The following OPHN1 variants were observed in gnomAD, a reference collection of about 807,000 sequenced individuals.
The protein encoded by OPHN1 is oligophrenin 1.
Under a neutral mutation model 60.7 loss-of-function variants are expected in OPHN1, and 11 were observed. That is an observed-to-expected ratio of 0.18 (90% CI 0.11 to 0.30). The LOEUF is 0.30. OPHN1 is among the 10% of genes least tolerant of loss of function. The probability of loss-of-function intolerance (pLI) is 1.00; values close to 1 mark genes in which losing one functional copy is unlikely to be tolerated. For missense variants in OPHN1, 449 were observed against 611.0 expected, an observed-to-expected ratio of 0.73 and a Z score of 2.80; for synonymous variants, 226 against 222.6, an observed-to-expected ratio of 1.02 and a Z score of -0.14.
intron 20 of OPHN1, among the ~76,000 whole-genome samples, chrX:68,065,344 C>A (rs891796246): frequency 9.0e-6 from 1 of 110,634 alleles, no homozygotes; most frequent in Non-Finnish European, 1.9e-5. Flanking sequence ...GATGATATTG[C>A]GGTTTTGCTT....
chrX:68,269,416 C>G (rs1262921059), intron 5 of OPHN1, among the ~76,000 whole-genome samples: 1 of 110,952 alleles, frequency 9.0e-6, no homozygotes, highest in Non-Finnish European at 1.9e-5. Flanking sequence ...CAGAACAGAG[C>G]CCTCAGAAAT....
intron 15 of OPHN1, among the ~76,000 whole-genome samples, chrX:68,148,907 T>C (rs184499728): frequency 3.8e-4 from 42 of 111,465 alleles, no homozygotes; most frequent in African/African-American, 1.3e-3. Flanking sequence ...AAAATATTCA[T>C]CTCTATAGCA....
intron 15 of OPHN1, among the ~76,000 whole-genome samples, chrX:68,188,637 A>G (rs2077473876): frequency 8.9e-6 from 1 of 112,130 alleles, no homozygotes; most frequent in Non-Finnish European, 1.9e-5. Context: ...TTTAAAGATT[A>G]ACATATAGAG....
At chrX:68,260,080 G>T (rs1007559165) in intron 5 of OPHN1, among the ~76,000 whole-genome samples, 1 of 110,579 alleles carries the variant, frequency 9.0e-6, no homozygotes, top group Non-Finnish European at 1.9e-5. Flanking sequence ...ACACACCCAT[G>T]TCATCAGCAC....
At position 68,378,268 on chromosome X, in the gene OPHN1, C is replaced by T. The variant is rs765695588; in HGVS notation, c.154+54599G>A. 2.4e-3 allele frequency among the ~76,000 whole-genome samples: 271 copies of T among 111,585 alleles called. 2 individuals carry two copies. The East Asian group carries it at 0.066, about 27-fold the overall frequency. The stretch of plus-strand genomic sequence containing the variant: ...CTGTTCATATCCTTCACCCACTTTT[C>T]GATGGGGTTGTTTGTTTTTTTCTTG... On this transcript the variant is annotated intron_variant, in intron 2 of 24. Coordinates refer to ENST00000355520, the MANE Select transcript of OPHN1 (RefSeq NM_002547.3).
At position 68,395,033 on chromosome X, in the gene OPHN1, G is replaced by A. The variant is rs183695252; in HGVS notation, c.154+37834C>T. ...TACAGTGGCGTGATCTCAGCCCACC[G>A]CAACCTCCGCCTCCCAGACTCAAGC... On this transcript the variant is annotated intron_variant, in intron 2 of 24. Coordinates refer to ENST00000355520, the MANE Select transcript of OPHN1 (RefSeq NM_002547.3). Among the ~76,000 whole-genome samples the A allele has an allele frequency of 2.4e-4, 26 of 110,527 alleles. No individual in the cohort carries two copies. The South Asian group carries it at 3.5e-3, about 15-fold the overall frequency.
At chrX:68,214,093 C>T in intron 6 of OPHN1, 121 bp from the exon 7 acceptor site, 1 of 498,370 alleles carries the variant, frequency 2.0e-6, no homozygotes, top group Non-Finnish European at 3.6e-6. Flanking sequence ...GTGATGTTAC[C>T]TTTTATTTTA....
At chrX:68,274,686 C>T in intron 5 of OPHN1, 52 bp downstream of exon 5, 1 of 859,421 alleles carries the variant, frequency 1.2e-6, no homozygotes, top group Non-Finnish European at 1.7e-6. Flanking sequence ...GTAGCCCATA[C>T]AACTATTCGA....
At chrX:68,272,186 T>C (rs866141610) in intron 5 of OPHN1, among the ~76,000 whole-genome samples, 4 of 111,736 alleles carry the variant, frequency 3.6e-5, no homozygotes, top group East Asian at 2.8e-4. Context: ...ATTTTGACTA[T>C]TGGAATTCTA....
At chrX:68,338,460 T>C (rs1450617620) in intron 2 of OPHN1, among the ~76,000 whole-genome samples, 1 of 111,632 alleles carries the variant, frequency 9.0e-6, no homozygotes, top group Non-Finnish European at 1.9e-5. Context: ...TTTACAAAGA[T>C]ATGGAAGATG....
chrX:68,110,914 G>A (rs1395033463), intron 18 of OPHN1, among the ~76,000 whole-genome samples: 2 of 111,117 alleles, frequency 1.8e-5, no homozygotes, highest in Admixed American at 1.9e-4. Context: ...GTCCAGATAG[G>A]CAAAGCACTC....
chrX:68,208,332 C>T (rs766042450), intron 9 of OPHN1, among the ~76,000 whole-genome samples: 6 of 111,213 alleles, frequency 5.4e-5, no homozygotes, highest in Non-Finnish European at 1.1e-4. Context: ...CTCCAGTGAT[C>T]TGCCGTCTCA....
At chrX:68,415,006 C>T (rs1602402579) in intron 2 of OPHN1, among the ~76,000 whole-genome samples, 1 of 112,197 alleles carries the variant, frequency 8.9e-6, no homozygotes. Context: ...TTCTACTGCT[C>T]TCAAAAGGAC....
intron 10 of OPHN1, among the ~76,000 whole-genome samples, chrX:68,203,928 G>A (rs1456421861): frequency 8.9e-6 from 1 of 112,837 alleles, no homozygotes; most frequent in Non-Finnish European, 1.9e-5. Context: ...ATATTAAAAT[G>A]TCCTGTTTTT....
rs745373794 is a variant in OPHN1, at chrX:68,202,845, AG to A, written c.934-1136del. Among the ~76,000 whole-genome samples the A allele has an allele frequency of 3.6e-5, 4 of 111,758 alleles. No individual in the cohort carries two copies. In the East Asian group the frequency reaches 1.1e-3, roughly 32 times the overall value. ...TTATTGTTAACAACCATTATAGAGA[AG>A]TGACACTTAAAGAAGTAAAGCAGCA... On this transcript the variant is annotated intron_variant, in intron 10 of 24. Coordinates refer to ENST00000355520, the MANE Select transcript of OPHN1 (RefSeq NM_002547.3).
intron 2 of OPHN1, among the ~76,000 whole-genome samples, chrX:68,343,450 G>A (rs756953443): frequency 8.2e-5 from 9 of 109,752 alleles, no homozygotes; most frequent in Admixed American, 2.0e-4. Context: ...AGACATGGTC[G>A]CGTGCCTAGG....
chrX:68,360,457 G>A (rs899414199), intron 2 of OPHN1, among the ~76,000 whole-genome samples: 1 of 111,176 alleles, frequency 9.0e-6, no homozygotes, highest in Non-Finnish European at 1.9e-5. Context: ...ACCTCACAAA[G>A]TGCTGGGATT....
At chrX:68,307,455 C>A (rs866194400) in intron 2 of OPHN1, among the ~76,000 whole-genome samples, 25 of 83,444 alleles carry the variant, frequency 3.0e-4, no homozygotes, top group African/African-American at 6.8e-4. Context: ...GACCCTATGT[C>A]AACAAAAAAA....
At chrX:68,085,153 T>G (rs2076990628) in intron 19 of OPHN1, among the ~76,000 whole-genome samples, 1 of 112,209 alleles carries the variant, frequency 8.9e-6, no homozygotes, top group South Asian at 3.8e-4. Context: ...TTACTGCTAT[T>G]CCTTTTGGGA....
Sources: gnomAD v4.1 joint callset for allele counts (sites outside exome capture counted in the v4.1 genomes callset) on GRCh38, gnomAD v4.1.1 for gene constraint, MANE v1.5 for transcripts, NCBI Gene and HGNC (gene_info 2026-07-23, HGNC 2026-07-21) for gene names.